DLG2: variants seen among roughly 807,000 people sequenced by gnomAD.
DLG2 encodes the protein discs large MAGUK scaffold protein 2, also known as disks large homolog 2.
A neutral mutation model predicts 132.5 loss-of-function variants in DLG2; 45 were observed. That is an observed-to-expected ratio of 0.34 (90% CI 0.27 to 0.44). The LOEUF is 0.44. DLG2 is among the 20% of genes least tolerant of loss of function. The probability of loss-of-function intolerance (pLI) is 1.00; values close to 1 mark genes in which losing one functional copy is unlikely to be tolerated. For missense variants in DLG2, 1,045 were observed against 1,196.9 expected (o/e 0.87, Z 1.87); for synonymous variants, 424 against 419.6 (o/e 1.01, Z -0.13).
chr11:85,176,508 C>T lies in DLG2; in HGVS notation c.187-21857G>A, dbSNP rs1051752601. The stretch of plus-strand genomic sequence containing the variant: ...AATATAAAACTCAAAACTATGAAAA[C>T]CCTAGAAGAAAATCTAGATAGTACC... On this transcript the variant is annotated intron_variant, in intron 4 of 27. Transcript: ENST00000376104. Among the ~76,000 whole-genome samples the T allele has an allele frequency of 2.8e-4, 42 of 152,014 alleles. 1 individual carries two copies. The highest frequency in any genetic ancestry group is 9.9e-4 in the African/African-American group (41 of 41,382).
At chr11:83,971,577 C>G (rs964567685) in intron 12 of DLG2, among the ~76,000 whole-genome samples, 8 of 152,074 alleles carry the variant, frequency 5.3e-5, no homozygotes, top group Admixed American at 4.6e-4. Flanking sequence ...TTTCCATGTT[C>G]TTGCAGGAAT....
At chr11:85,569,607 A>C (rs60838923) in intron 3 of DLG2, among the ~76,000 whole-genome samples, 22,824 of 152,086 alleles carry the variant, frequency 0.15, 2,070 homozygotes, top group East Asian at 0.28. Context: ...GGCCTTTCAA[A>C]CGTGAAAAAA....
Position 83,863,190 on chromosome 11 carries a change from A to G in DLG2, c.1565+11230T>C, listed in dbSNP as rs551864300. 3.9e-5 allele frequency among the ~76,000 whole-genome samples: 6 copies of G among 152,322 alleles called. No homozygotes were observed. In the South Asian group the frequency reaches 6.2e-4, roughly 16 times the overall value. ...ATATTTGAGCTAGCACATAATGTGC[A>G]TGGGCTCTAGACTTACTCTTTTGTG... On this transcript the variant is annotated intron_variant, in intron 16 of 27. Transcript: ENST00000376104.
chr11:84,874,092 AAAATTATTGGTCTCAAC>A (rs2085932032), intron 6 of DLG2, among the ~76,000 whole-genome samples: 1 of 152,214 alleles, frequency 6.6e-6, no homozygotes, highest in Non-Finnish European at 1.5e-5. Context: ...GATGTGGATG[AAAATTATTGGTCTCAAC>A]AACTTCACCA....
chr11:83,761,200 C>T (rs1488882633), intron 18 of DLG2, among the ~76,000 whole-genome samples: 1 of 152,138 alleles, frequency 6.6e-6, no homozygotes, highest in Non-Finnish European at 1.5e-5. Flanking sequence ...TGCTGGATTC[C>T]TCACTGCAGT....
chr11:84,140,272 C>G (rs1382969995), intron 9 of DLG2, among the ~76,000 whole-genome samples: 1 of 152,064 alleles, frequency 6.6e-6, no homozygotes. Flanking sequence ...TGAGGAGCAT[C>G]ATGTTTCCTT....
intron 11 of DLG2, among the ~76,000 whole-genome samples, chr11:84,002,924 A>AAACTT (rs1285227461): frequency 6.6e-6 from 1 of 152,160 alleles, no homozygotes; most frequent in Non-Finnish European, 1.5e-5. Flanking sequence ...TTTCCCTTAT[A>AAACTT]AACTTAAGTT....
intron 7 of DLG2, among the ~76,000 whole-genome samples, chr11:84,372,914 A>T (rs987755907): frequency 2.6e-5 from 4 of 152,126 alleles, no homozygotes; most frequent in Admixed American, 2.6e-4. Flanking sequence ...TCAAATGCTC[A>T]TTGAGAGAGA....
At chr11:83,910,351 C>G (rs117900575) in intron 15 of DLG2, among the ~76,000 whole-genome samples, 70 of 152,108 alleles carry the variant, frequency 4.6e-4, no homozygotes, top group Non-Finnish European at 6.3e-4. Flanking sequence ...AGAAAATATT[C>G]GATTAATGGT....
chr11:84,552,900 G>A (rs1027892501), intron 6 of DLG2, among the ~76,000 whole-genome samples: 3 of 152,048 alleles, frequency 2.0e-5, no homozygotes, highest in African/African-American at 4.8e-5. Flanking sequence ...AGAATAAAAC[G>A]CACGCACTTT....
chr11:84,810,639 A>C (rs540255591), intron 6 of DLG2, among the ~76,000 whole-genome samples: 1 of 152,262 alleles, frequency 6.6e-6, no homozygotes, highest in African/African-American at 2.4e-5. Context: ...AGAGAAATAA[A>C]AACTTATGTT....
chr11:83,556,998 C>T (rs1318678566), intron 19 of DLG2, among the ~76,000 whole-genome samples: 2 of 128,592 alleles, frequency 1.6e-5, no homozygotes, highest in Admixed American at 8.1e-5. Flanking sequence ...GTTTTTCCAT[C>T]CCACAATCTC....
chr11:84,889,854 A>G (rs914713367), intron 6 of DLG2, among the ~76,000 whole-genome samples: 18 of 152,288 alleles, frequency 1.2e-4, no homozygotes, highest in African/African-American at 4.1e-4. Flanking sequence ...AGAGACCTAC[A>G]AAAGTCTCGA....
intron 6 of DLG2, among the ~76,000 whole-genome samples, chr11:84,807,312 G>A (rs1373710567): frequency 6.6e-6 from 1 of 152,074 alleles, no homozygotes; most frequent in African/African-American, 2.4e-5. Flanking sequence ...CAGGCATGGT[G>A]GTGGGTGCCT....
intron 6 of DLG2, among the ~76,000 whole-genome samples, chr11:84,966,360 C>T (rs1324853744): frequency 6.6e-6 from 1 of 152,062 alleles, no homozygotes; most frequent in African/African-American, 2.4e-5. Flanking sequence ...ATCTTTCTCA[C>T]ATAATATGTT....
At chr11:84,484,836 A>C (rs902451966) in intron 7 of DLG2, among the ~76,000 whole-genome samples, 1 of 152,192 alleles carries the variant, frequency 6.6e-6, no homozygotes, top group Non-Finnish European at 1.5e-5. Context: ...GTTTATTAGA[A>C]GAGTTAACAG....
intron 16 of DLG2, among the ~76,000 whole-genome samples, chr11:83,844,049 A>C (rs968385779): frequency 5.3e-5 from 8 of 152,188 alleles, no homozygotes; most frequent in Non-Finnish European, 1.2e-4. Flanking sequence ...GTGATGAGCT[A>C]GTGTGTTAGT....
intron 7 of DLG2, among the ~76,000 whole-genome samples, chr11:84,502,166 C>CTCTCTT (rs1380785073): frequency 0.012 from 590 of 50,468 alleles, 82 homozygotes; most frequent in African/African-American, 0.019. Context: ...TCCTTTCTCT[C>CTCTCTT]TCTCTCTCTT....
chr11:84,662,781 T>G (rs905645476), intron 6 of DLG2, among the ~76,000 whole-genome samples: 1 of 90,062 alleles, frequency 1.1e-5, no homozygotes. Flanking sequence ...AGCAAGACTC[T>G]GTCACAAAAA....
Sources: allele counts gnomAD v4.1 joint callset (sites outside exome capture counted in the v4.1 genomes callset), GRCh38; gene constraint gnomAD v4.1.1; transcripts MANE v1.5; gene names NCBI Gene and HGNC (gene_info 2026-07-23, HGNC 2026-07-21).